The following PCDHGA9 variants were observed in gnomAD, a reference collection of about 807,000 sequenced individuals.
PCDHGA9 encodes the protein protocadherin gamma-A9.
PCDHGA9 carries 37 observed loss-of-function variants against 62.5 expected under a neutral mutation model. The observed-to-expected ratio is 0.59, with a 90% confidence interval of 0.46 to 0.78. PCDHGA9 has a LOEUF of 0.78. PCDHGA9 is among the 30% of genes least tolerant of loss of function. The probability of loss-of-function intolerance (pLI) is 0.00; values close to 1 mark genes in which losing one functional copy is unlikely to be tolerated. For synonymous variants in PCDHGA9, 459 were observed against 484.6 expected, an observed-to-expected ratio of 0.95 and a Z score of 0.69; for missense variants, 1,138 against 1,166.2, an observed-to-expected ratio of 0.98 and a Z score of 0.35.
At chr5:141,416,033 C>T (rs770398549) in intron 1 of PCDHGA9, 22 of 202,600 alleles carry the variant, frequency 1.1e-4, no homozygotes, top group Non-Finnish European at 1.9e-4. Flanking sequence ...AAAGAAATCA[C>T]CTCTGGAAAC....
intron 1 of PCDHGA9, among the ~76,000 whole-genome samples, chr5:141,434,935 T>C (rs952530533): frequency 6.6e-6 from 1 of 151,788 alleles, no homozygotes; most frequent in Non-Finnish European, 1.5e-5. Flanking sequence ...TTTTATATAA[T>C]AGATATAATT....
chr5:141,487,590 C>G lies in PCDHGA9; in HGVS notation c.2425-7217C>G. 1 of 1,614,160 alleles carries G rather than the reference C, an allele frequency of 6.2e-7. No homozygotes were observed. Among genetic ancestry groups the G allele is most frequent in the Non-Finnish European group, 8.5e-7 (1 of 1,180,040 alleles). ...GAGCCTGTTCGCCCAAGCTGCCCACCCTCTGATCTTCTCTATGGGCTAGAG... is the reference window on the plus strand; with the variant it reads ...GAGCCTGTTCGCCCAAGCTGCCCACGCTCTGATCTTCTCTATGGGCTAGAG... On this transcript the variant is annotated intron_variant, in intron 1 of 3. Transcript: ENST00000573521. The surrounding 1 kb of genome is among the most constrained non-coding windows in gnomAD (Gnocchi z 5.0).
At chr5:141,480,298 C>T (rs1238380283) in intron 1 of PCDHGA9, among the ~76,000 whole-genome samples, 1 of 132,676 alleles carries the variant, frequency 7.5e-6, no homozygotes, top group Non-Finnish European at 1.6e-5. Flanking sequence ...ACCTGTGGTA[C>T]CAGCTACTTG....
At chr5:141,501,423 A>G (rs1195105794) in intron 2 of PCDHGA9, among the ~76,000 whole-genome samples, 4 of 151,966 alleles carry the variant, frequency 2.6e-5, no homozygotes, top group African/African-American at 7.2e-5. Flanking sequence ...AGTTGACTAA[A>G]TGTAGTCCAT....
At chr5:141,478,567 C>A in intron 1 of PCDHGA9, 1 of 1,593,812 alleles carries the variant, frequency 6.3e-7, no homozygotes, top group Non-Finnish European at 8.6e-7. Flanking sequence ...GCAAGTCATG[C>A]TTGACCCTGT....
chr5:141,486,399 C>G lies in PCDHGA9; in HGVS notation c.2425-8408C>G. On this transcript the variant is annotated intron_variant, in intron 1 of 3. Transcript: ENST00000573521. The surrounding 1 kb of genome is among the most constrained non-coding windows in gnomAD (Gnocchi z 5.0). ...TTCAGGAACCAGTTCTCCCTGGTGA[C>G]TGCTGGACCCTTGGATCGAGAGGCC... The G allele has an allele frequency of 6.2e-7, 1 of 1,614,188 alleles. No individual in the cohort carries two copies. The highest frequency in any genetic ancestry group is 1.1e-5 in the South Asian group (1 of 91,090).
chr5:141,466,115 C>A (rs2099117208), intron 1 of PCDHGA9, among the ~76,000 whole-genome samples: 1 of 151,618 alleles, frequency 6.6e-6, no homozygotes, highest in African/African-American at 2.4e-5. Context: ...GAGTGAGACT[C>A]CAGCTCAAAA....
rs889945954 is a variant in PCDHGA9, at chr5:141,489,368, C to A, written c.2425-5439C>A. The A allele has an allele frequency of 2.5e-6, 4 of 1,613,384 alleles. No homozygotes were observed. Among genetic ancestry groups the A allele is most frequent in the Non-Finnish European group, 3.4e-6 (4 of 1,179,478 alleles). On this transcript the variant is annotated intron_variant, in intron 1 of 3. Coordinates refer to ENST00000573521, the MANE Select transcript of PCDHGA9 (RefSeq NM_018921.3). The surrounding 1 kb of genome is among the most constrained non-coding windows in gnomAD (Gnocchi z 4.5). ...GTGGTGGAGGAGTCTGAGCCGGGGA[C>A]GCTGGTGGGGAATGTTGCTCAGGAT...
chr5:141,502,825 G>A (rs1487995525), intron 2 of PCDHGA9, among the ~76,000 whole-genome samples: 4 of 151,216 alleles, frequency 2.6e-5, no homozygotes, highest in South Asian at 2.1e-4. Flanking sequence ...TTTCCTTGGG[G>A]AAGCCTGGAC....
intron 1 of PCDHGA9, among the ~76,000 whole-genome samples, chr5:141,462,819 A>G (rs1182498111): frequency 6.6e-6 from 1 of 152,210 alleles, no homozygotes; most frequent in East Asian, 1.9e-4. Context: ...TTTATTGGAC[A>G]GCAGACATTG....
At chr5:141,488,797 T>G (rs1451050520) in intron 1 of PCDHGA9, among the ~76,000 whole-genome samples, 6 of 152,158 alleles carry the variant, frequency 3.9e-5, no homozygotes, top group Non-Finnish European at 8.8e-5. Context: ...TCTTCCCTGT[T>G]GAGTACCATC....
At position 141,476,683 on chromosome 5, in the gene PCDHGA9, C is replaced by T; in HGVS notation, c.2425-18124C>T. The T allele has an allele frequency of 1.9e-6, 3 of 1,614,242 alleles. No homozygotes were observed. Among genetic ancestry groups the T allele is most frequent in the Non-Finnish European group, 2.5e-6 (3 of 1,180,052 alleles). ...CGCTTCGCGTGCAGACGCGGGAGGA[C>T]AGCACCAAGTACGCGGAGCTGGTGT... On this transcript the variant is annotated intron_variant, in intron 1 of 3. Coordinates refer to ENST00000573521, the MANE Select transcript of PCDHGA9 (RefSeq NM_018921.3). The surrounding 1 kb of genome is among the most constrained non-coding windows in gnomAD (Gnocchi z 7.6).
intron 1 of PCDHGA9, among the ~76,000 whole-genome samples, chr5:141,452,803 A>G (rs1045171800): frequency 2.6e-5 from 4 of 152,186 alleles, no homozygotes; most frequent in African/African-American, 9.7e-5. Context: ...TTTTTGCTGT[A>G]GTTTGTTCAT....
chr5:141,421,078 C>T (rs11575964), intron 1 of PCDHGA9: 20,754 of 627,892 alleles, frequency 0.033, 387 homozygotes, highest in Middle Eastern at 0.088. Context: ...GAGATGGATA[C>T]TCACAGATCC....
In PCDHGA9 at chr5:141,404,747, G is replaced by A. The variant is rs142282950; in HGVS notation, c.1795G>A (p.Gly599Ser). 3.0e-4 allele frequency: 483 copies of A among 1,614,062 alleles called. 2 individuals carry two copies. The African/African-American group carries it at 5.3e-3, about 18-fold the overall frequency. The change falls in exon 1 of 4, where the codon GGC (glycine) becomes AGC (serine). Residue 599 changes from glycine to serine, a missense_variant. Gly to Ser is a moderately conservative substitution (Grantham distance 56, BLOSUM62 0). Coordinates refer to ENST00000573521, the MANE Select transcript of PCDHGA9 (RefSeq NM_018921.3). Reference protein sequence around the residue: ...TKVVAVDRDSGQNAWLSYRLF... With the variant: ...TKVVAVDRDSSQNAWLSYRLF... ...GGTGGTGGCAGTGGACAGAGACTCA[G>A]GCCAGAATGCTTGGCTCTCCTACCG...
In PCDHGA9 at chr5:141,487,072, T is replaced by C. The variant is rs754589618; in HGVS notation, c.2425-7735T>C. On this transcript the variant is annotated intron_variant, in intron 1 of 3. Coordinates refer to ENST00000573521, the MANE Select transcript of PCDHGA9 (RefSeq NM_018921.3). This position sits in a 1 kb window ranked among gnomAD's most constrained non-coding sequence, Gnocchi z 5.0. ...CTGGGGAGGTGCGGACGGCTGTTCCTATCCCAGCTGACCTCCCACCACAGA... is the reference window on the plus strand; with the variant it reads ...CTGGGGAGGTGCGGACGGCTGTTCCCATCCCAGCTGACCTCCCACCACAGA... 8.1e-6 allele frequency: 13 copies of C among 1,614,010 alleles called. No homozygotes were observed. Among genetic ancestry groups the C allele is most frequent in the Non-Finnish European group, 1.1e-5 (13 of 1,179,966 alleles).
chr5:141,432,503 G>T lies in PCDHGA9; in HGVS notation c.2424+27127G>T, dbSNP rs939325676. 8.7e-6 allele frequency: 14 copies of T among 1,613,988 alleles called. No homozygotes were observed. The highest frequency in any genetic ancestry group is 1.3e-5 in the African/African-American group (1 of 74,930). ...TGGCGTGGAGCTGGCTCCCCGCTCC[G>T]CAGAGCCCGGCTACCTGGTGACCAA... On this transcript the variant is annotated intron_variant, in intron 1 of 3. Transcript: ENST00000573521. The surrounding 1 kb of genome is among the most constrained non-coding windows in gnomAD (Gnocchi z 6.0).
intron 1 of PCDHGA9, chr5:141,408,465 A>C: frequency 6.2e-7 from 1 of 1,613,960 alleles, no homozygotes. Context: ...CTTGTGAAGA[A>C]CCGAATAGAC....
rs115568443 is a variant in PCDHGA9 at position 141,439,423 on chromosome 5, A to G, written c.2424+34047A>G. On this transcript the variant is annotated intron_variant, in intron 1 of 3. Coordinates refer to ENST00000573521, the MANE Select transcript of PCDHGA9 (RefSeq NM_018921.3). ...TGTGCTAACATCACTGAGGTTATAA[A>G]TTCCCAGGAATATTTTATTGCGGGA... 1.0e-2 allele frequency among the ~76,000 whole-genome samples: 1,522 copies of G among 152,306 alleles called. 34 individuals carry two copies. Among genetic ancestry groups the G allele is most frequent in the African/African-American group, 0.034 (1,425 of 41,558 alleles).
Sources: allele counts gnomAD v4.1 joint callset (sites outside exome capture counted in the v4.1 genomes callset), GRCh38; gene constraint gnomAD v4.1.1; non-coding constraint Gnocchi (gnomAD v3.1); transcripts MANE v1.5; gene names NCBI Gene and HGNC (gene_info 2026-07-23, HGNC 2026-07-21).